Variants in STX8 observed in about 807,000 individuals in gnomAD.
The protein encoded by STX8 is syntaxin 8.
STX8 carries 23 observed loss-of-function variants against 37.5 expected under a neutral mutation model. That is an observed-to-expected ratio of 0.61 (90% CI 0.44 to 0.87). The LOEUF is 0.87. Ranked by LOEUF, STX8 falls within the 40% of genes least tolerant of loss-of-function variation. The pLI is 0.00. For missense variants in STX8, 313 were observed against 284.7 expected, an observed-to-expected ratio of 1.10 and a Z score of -0.71; for synonymous variants, 115 against 99.1, an observed-to-expected ratio of 1.16 and a Z score of -0.95.
intron 7 of STX8, among the ~76,000 whole-genome samples, chr17:9,355,500 A>ATTT (rs35363770): frequency 5.6e-5 from 7 of 124,438 alleles, no homozygotes; most frequent in African/African-American, 1.2e-4. Context: ...ACACCTAGCA[A>ATTT]TTTTTTTTTT....
chr17:9,354,639 C>G (rs1753436777), intron 7 of STX8, among the ~76,000 whole-genome samples: 1 of 152,008 alleles, frequency 6.6e-6, no homozygotes, highest in Non-Finnish European at 1.5e-5. Context: ...TCTTAACATA[C>G]TATAATCGTG....
chr17:9,375,245 A>G lies in STX8; in HGVS notation c.643+3307T>C, dbSNP rs182896613. Among the ~76,000 whole-genome samples, 281 of 152,266 alleles carry G rather than the reference A, an allele frequency of 1.8e-3. 1 individual carries two copies. Among genetic ancestry groups the G allele is most frequent in the African/African-American group, 6.4e-3 (265 of 41,560 alleles). ...TGTATAGTTATTTTAAAATATGGAC[A>G]CAAGTTTTCCAAACGTATTTTAGTA... On this transcript the variant is annotated intron_variant, in intron 7 of 7. Coordinates refer to ENST00000306357, the MANE Select transcript of STX8 (RefSeq NM_004853.3).
chr17:9,395,973 A>G (rs531248265), intron 6 of STX8, among the ~76,000 whole-genome samples: 2 of 152,352 alleles, frequency 1.3e-5, no homozygotes, highest in Admixed American at 1.3e-4. Flanking sequence ...TAGGCGTTAA[A>G]CAACCCTACA....
At chr17:9,268,740 A>G (rs543808842) in intron 7 of STX8, among the ~76,000 whole-genome samples, 2 of 152,330 alleles carry the variant, frequency 1.3e-5, no homozygotes, top group East Asian at 1.9e-4. Flanking sequence ...CAGCTCTGAG[A>G]CACAGACCTG....
At chr17:9,393,795 A>G (rs1912308997) in intron 6 of STX8, among the ~76,000 whole-genome samples, 1 of 152,208 alleles carries the variant, frequency 6.6e-6, no homozygotes, top group African/African-American at 2.4e-5. Flanking sequence ...GTGACAGAGG[A>G]CAGGTCAGTC....
chr17:9,277,824 C>G (rs1019143359), intron 7 of STX8, among the ~76,000 whole-genome samples: 1 of 151,990 alleles, frequency 6.6e-6, no homozygotes, highest in African/African-American at 2.4e-5. Flanking sequence ...GGAAAGAAAC[C>G]CACTGTGGTT....
intron 3 of STX8, chr17:9,555,278 T>C (rs1268813366): frequency 1.3e-5 from 2 of 152,176 alleles, no homozygotes; most frequent in Non-Finnish European, 2.9e-5. Flanking sequence ...TGTAAGCATT[T>C]AGGAGAACAA....
In STX8 at chr17:9,314,899, C is replaced by T. The variant is rs188044253; in HGVS notation, c.643+63653G>A. On this transcript the variant is annotated intron_variant, in intron 7 of 7. Coordinates refer to ENST00000306357, the MANE Select transcript of STX8 (RefSeq NM_004853.3). ...CGGGCAGATCACGAGGTCAAGAGAT[C>T]GAGACCATCCTGGCCAACATGGTGA... 1.6e-3 allele frequency among the ~76,000 whole-genome samples: 239 copies of T among 150,260 alleles called. 2 individuals are homozygous for T. The highest frequency in any genetic ancestry group is 5.5e-3 in the African/African-American group (227 of 41,124).
chr17:9,570,676 A>G (rs1907656196), intron 1 of STX8, among the ~76,000 whole-genome samples: 1 of 152,048 alleles, frequency 6.6e-6, no homozygotes, highest in Non-Finnish European at 1.5e-5. Flanking sequence ...TTTTTCCTCC[A>G]TATTATCATG....
intron 4 of STX8, among the ~76,000 whole-genome samples, chr17:9,529,042 G>C (rs893597486): frequency 6.6e-6 from 1 of 152,144 alleles, no homozygotes; most frequent in Non-Finnish European, 1.5e-5. Context: ...GGAGGGAAGA[G>C]GGAAACCGTT....
chr17:9,511,540 A>G (rs1452068760), intron 4 of STX8, among the ~76,000 whole-genome samples: 1 of 152,198 alleles, frequency 6.6e-6, no homozygotes, highest in Admixed American at 6.5e-5. Context: ...AAAATTTGAT[A>G]AAATTCAACA....
chr17:9,292,242 A>G (rs1022397666), intron 7 of STX8, among the ~76,000 whole-genome samples: 1 of 152,248 alleles, frequency 6.6e-6, no homozygotes, highest in Non-Finnish European at 1.5e-5. Context: ...TATGAACGAT[A>G]TAAGGGTAGA....
intron 2 of STX8, among the ~76,000 whole-genome samples, chr17:9,557,875 AC>A (rs751999147): frequency 5.9e-5 from 9 of 152,192 alleles, no homozygotes; most frequent in Non-Finnish European, 1.3e-4. Context: ...CCTTGGAACC[AC>A]GCAGGAAATT....
intron 2 of STX8, among the ~76,000 whole-genome samples, chr17:9,563,832 A>G (rs1907349950): frequency 6.6e-6 from 1 of 152,232 alleles, no homozygotes; most frequent in Non-Finnish European, 1.5e-5. Flanking sequence ...AATTATTGCA[A>G]AAGTCCTCAA....
chr17:9,445,984 T>A (rs543573039), intron 6 of STX8, among the ~76,000 whole-genome samples: 1 of 151,788 alleles, frequency 6.6e-6, no homozygotes, highest in Non-Finnish European at 1.5e-5. Flanking sequence ...TACAGGCGCC[T>A]GCCACCACGC....
At chr17:9,536,111 A>T (rs1906041164) in intron 4 of STX8, among the ~76,000 whole-genome samples, 1 of 152,230 alleles carries the variant, frequency 6.6e-6, no homozygotes. Context: ...TATGTTGAGG[A>T]GAAGGAGACA....
chr17:9,485,136 T>TA (rs1350110387), intron 6 of STX8, among the ~76,000 whole-genome samples: 1 of 27,392 alleles, frequency 3.7e-5, no homozygotes, highest in Non-Finnish European at 1.6e-4. Flanking sequence ...GAAAAAAAAT[T>TA]ATAATAAGAT....
chr17:9,561,310 AAT>A (rs1278882442), intron 2 of STX8, among the ~76,000 whole-genome samples: 3 of 152,166 alleles, frequency 2.0e-5, no homozygotes, highest in Admixed American at 6.5e-5. Flanking sequence ...ATTTATACTA[AAT>A]ATACCAGATC....
chr17:9,473,098 G>A (rs767028567), intron 6 of STX8, among the ~76,000 whole-genome samples: 11 of 151,182 alleles, frequency 7.3e-5, no homozygotes, highest in South Asian at 4.2e-4. Context: ...GCTGGAGTGC[G>A]GTGGCACAAT....
Sources: gnomAD v4.1 joint callset for allele counts (sites outside exome capture counted in the v4.1 genomes callset) on GRCh38, gnomAD v4.1.1 for gene constraint, MANE v1.5 for transcripts, NCBI Gene and HGNC (gene_info 2026-07-23, HGNC 2026-07-21) for gene names.